Variants in FSIP2 observed in about 807,000 individuals in gnomAD.
FSIP2 encodes the protein fibrous sheath-interacting protein 2.
A neutral mutation model predicts 510.5 loss-of-function variants in FSIP2; 367 were observed. The observed-to-expected ratio is 0.72, with a 90% CI of 0.66 to 0.78. FSIP2 has a LOEUF of 0.78. FSIP2 is among the 30% of genes least tolerant of loss of function. The probability of loss-of-function intolerance (pLI) is 0.00; values close to 1 mark genes in which losing one functional copy is unlikely to be tolerated. For missense variants in FSIP2, 7,594 were observed against 7,901.7 expected (o/e 0.96, Z 1.48); for synonymous variants, 2,601 against 2,732.2 (o/e 0.95, Z 1.50).
intron 19 of FSIP2, among the ~76,000 whole-genome samples, chr2:185,818,103 A>G (rs1363225217): frequency 1.3e-5 from 2 of 151,928 alleles, no homozygotes; most frequent in African/African-American, 2.4e-5. Context: ...ATCACATGTA[A>G]CCCATACAAA....
At position 185,745,545 on chromosome 2, in the gene FSIP2, C is replaced by T. The variant is rs1559009054; in HGVS notation, c.594C>T (p.Asp198=). The T allele has an allele frequency of 6.5e-7, 1 of 1,534,610 alleles. No individual in the cohort carries two copies. Residue 198 remains aspartate (D), a synonymous_variant, in exon 5 of 23, where the codon GAC becomes GAT. Transcript: ENST00000424728. ...AGGAGGGCACTGAATCTATTAAGGA[C>T]CAGGAGCGGCTGATGAGGCATAGGT... is the stretch of plus-strand genomic sequence containing the variant. ...LLKEGTESIK[D]QERLMRHRYL... is the part of the protein sequence containing the mutation.
Position 185,791,745 on chromosome 2 carries a change from A to G in FSIP2, c.4609A>G (p.Ile1537Val). ...GAAAATGGCCAAATCCACCAAAATAATCTCCAGCATAGTTTCCAGAAGGGT... is the reference window on the plus strand; with the variant it reads ...GAAAATGGCCAAATCCACCAAAATAGTCTCCAGCATAGTTTCCAGAAGGGT... Reference protein sequence around the residue: ...IEKMAKSTKIISSIVSRRVQE... With the variant: ...IEKMAKSTKIVSSIVSRRVQE... The change falls in exon 16 of 23, where the codon ATC becomes GTC. Residue 1537 changes from isoleucine (I) to valine (V), a missense_variant. By Grantham distance (29) the Ile-to-Val change is conservative (BLOSUM62 3). Transcript: ENST00000424728. The G allele has an allele frequency of 6.5e-7, 1 of 1,534,632 alleles. No individual in the cohort carries two copies. Among genetic ancestry groups the G allele is most frequent in the Non-Finnish European group, 8.7e-7 (1 of 1,145,710 alleles).
In FSIP2 at chr2:185,803,760, T is replaced by C; in HGVS notation, c.14454T>C (p.Thr4818=). The C allele has an allele frequency of 6.5e-7, 1 of 1,530,992 alleles. No individual in the cohort carries two copies. Among genetic ancestry groups the C allele is most frequent in the Non-Finnish European group, 8.7e-7 (1 of 1,143,686 alleles). The allele number at this position is 1,530,992 out of a possible 1,614,324, so 94.8% of individuals were successfully genotyped here. The change falls in exon 17 of 23, where the codon ACT becomes ACC. Residue 4818 remains threonine (T), a synonymous_variant. Transcript: ENST00000424728. ...CCAGTGCAGAGCAGTCAGATACTAC[T>C]AAATCAGACTTAAGTAATACAGTGA... ...LNTSAEQSDT[T]KSDLSNTVIK... is the part of the protein sequence containing the mutation.
At chr2:185,781,434 T>C (rs7566901) in intron 13 of FSIP2, among the ~76,000 whole-genome samples, 82,796 of 152,060 alleles carry the variant, frequency 0.54, 22,809 homozygotes, top group South Asian at 0.64. Context: ...TATTTTCAGC[T>C]TATGATGGGT....
Position 185,763,297 on chromosome 2 carries a change from ACAGTT to A in FSIP2, c.1347+10_1347+14del. ...GATCCTTCAAAAGAAGAGGTATATA[ACAGTT>A]CTTTTACCCCAAATACAAACACAAT... is the stretch of plus-strand genomic sequence containing the variant. On this transcript the variant is annotated intron_variant, in intron 12 of 22. Coordinates refer to ENST00000424728, the MANE Select transcript of FSIP2 (RefSeq NM_173651.4). The A allele has an allele frequency of 8.5e-7, 1 of 1,181,636 alleles. No individual in the cohort carries two copies. The highest frequency in any genetic ancestry group is 2.5e-5 in the East Asian group (1 of 39,250). The allele number at this position is 1,181,636 out of a possible 1,614,324, so 73.2% of individuals were successfully genotyped here.
chr2:185,808,664 A>C lies in FSIP2; in HGVS notation c.19358A>C (p.Lys6453Thr). The C allele has an allele frequency of 1.2e-6, 2 of 1,606,120 alleles. No homozygotes were observed. Among genetic ancestry groups the C allele is most frequent in the Non-Finnish European group, 1.7e-6 (2 of 1,176,892 alleles). Residue 6453 changes from lysine to threonine, a missense_variant, in exon 17 of 23, where the codon AAA becomes ACA. Lys to Thr is a moderately conservative substitution (Grantham distance 78). Transcript: ENST00000424728. ...GATACAAATACAGCCTTTCCTAAAA[A>C]AGTGGCTAGTTTAATTATTGATGGA... ...IKDTNTAFPK[K>T]VASLIIDGVS... is the part of the protein sequence containing the mutation.
At chr2:185,754,674 T>C (rs1692208350) in intron 8 of FSIP2, among the ~76,000 whole-genome samples, 1 of 151,546 alleles carries the variant, frequency 6.6e-6, no homozygotes. Flanking sequence ...CAAGCATTTA[T>C]CAGCATCTAG....
chr2:185,754,744 C>T (rs1313917719), intron 8 of FSIP2, among the ~76,000 whole-genome samples: 1 of 151,436 alleles, frequency 6.6e-6, no homozygotes, highest in African/African-American at 2.4e-5. Flanking sequence ...AAGATGGCAG[C>T]TATGATCTAG....
At chr2:185,812,068 G>A (rs1229382023) in intron 17 of FSIP2, among the ~76,000 whole-genome samples, 2 of 152,086 alleles carry the variant, frequency 1.3e-5, no homozygotes, top group Non-Finnish European at 2.9e-5. Flanking sequence ...TGCAGTTGTT[G>A]GAAGAAAGTC....
chr2:185,829,687 A>G (rs547712824), intron 21 of FSIP2, among the ~76,000 whole-genome samples: 50 of 151,944 alleles, frequency 3.3e-4, no homozygotes, highest in Non-Finnish European at 6.8e-4. Context: ...TCTCTGACCA[A>G]TAGGGAAAGG....
chr2:185,770,492 G>A (rs1304074463), intron 13 of FSIP2, among the ~76,000 whole-genome samples: 1 of 152,088 alleles, frequency 6.6e-6, no homozygotes, highest in South Asian at 2.1e-4. Flanking sequence ...CAGTGGGTGG[G>A]TGCCACGCTC....
intron 13 of FSIP2, among the ~76,000 whole-genome samples, chr2:185,777,176 C>T (rs931391179): frequency 6.6e-6 from 1 of 152,158 alleles, no homozygotes; most frequent in African/African-American, 2.4e-5. Flanking sequence ...ATGACCATAA[C>T]CTCCTCCCTG....
At position 185,796,387 on chromosome 2, in the gene FSIP2, A is replaced by G. The variant is rs972051047; in HGVS notation, c.9251A>G (p.Asn3084Ser). ...FHSQLLTYAVNIISDMLAVIK... is the reference protein window; with the variant it reads ...FHSQLLTYAVSIISDMLAVIK... ...TCACAATTACTTACATATGCTGTTA[A>G]TATCATCAGTGACATGCTTGCTGTA... The change falls in exon 16 of 23, where the codon AAT (asparagine) becomes AGT (serine). Residue 3084 changes from asparagine (N) to serine (S), a missense_variant. Physicochemically the swap from Asn to Ser is conservative, Grantham distance 46 (BLOSUM62 1). Transcript: ENST00000424728. 34 of 1,533,886 alleles carry G rather than the reference A, an allele frequency of 2.2e-5. No homozygotes were observed. The highest frequency in any genetic ancestry group is 3.0e-5 in the Non-Finnish European group (34 of 1,145,452).
Position 185,801,074 on chromosome 2 carries a change from G to C in FSIP2, c.11768G>C (p.Ser3923Thr). 1 of 1,532,090 alleles carries C rather than the reference G, an allele frequency of 6.5e-7. No individual in the cohort carries two copies. The highest frequency in any genetic ancestry group is 1.2e-5 in the South Asian group (1 of 83,584). 94.9% of individuals were successfully genotyped at this position (1,532,090 alleles called of 1,614,324 possible). A position where few individuals can be genotyped will look rare whatever the true frequency, so the allele number is the denominator to read the frequency against. The change falls in exon 17 of 23, where the codon AGC (serine) becomes ACC (threonine). Residue 3923 changes from serine (S) to threonine (T), a missense_variant. Coordinates refer to ENST00000424728, the MANE Select transcript of FSIP2 (RefSeq NM_173651.4). ...TCCCTGAATAATCCCAGTGTGGTTA[G>C]CTCCAAAATACAAGCACCATTTAAC... ...TVSLNNPSVV[S>T]SKIQAPFNKH...
At position 185,793,072 on chromosome 2, in the gene FSIP2, G is replaced by C; in HGVS notation, c.5936G>C (p.Cys1979Ser). 1 of 1,534,302 alleles carries C rather than the reference G, an allele frequency of 6.5e-7. No homozygotes were observed. The highest frequency in any genetic ancestry group is 2.4e-5 in the East Asian group (1 of 40,848). ...DSYSDEQFSC[C>S]SVDHTKSGKT... Reference sequence around the variant, plus strand: ...TATTCTGATGAGCAATTTTCCTGTTGCTCAGTAGATCATACCAAGTCAGGA... The same window carrying C: ...TATTCTGATGAGCAATTTTCCTGTTCCTCAGTAGATCATACCAAGTCAGGA... The change falls in exon 16 of 23, where the codon TGC (cysteine) becomes TCC (serine). Residue 1979 changes from cysteine to serine, a missense_variant. Cys to Ser is a moderately radical substitution (Grantham distance 112). Coordinates refer to ENST00000424728, the MANE Select transcript of FSIP2 (RefSeq NM_173651.4).
At chr2:185,823,204 A>C (rs543458804) in intron 19 of FSIP2, among the ~76,000 whole-genome samples, 1 of 152,020 alleles carries the variant, frequency 6.6e-6, no homozygotes, top group Non-Finnish European at 1.5e-5. Flanking sequence ...AAAGAAAAAT[A>C]GATATATTGT....
chr2:185,751,262 A>G (rs967573843), intron 7 of FSIP2, among the ~76,000 whole-genome samples: 1 of 151,538 alleles, frequency 6.6e-6, no homozygotes, highest in East Asian at 1.9e-4. Context: ...TAGGTAAAAA[A>G]TGGCTAGAAT....
rs756935282 is a variant in FSIP2 at position 185,807,233 on chromosome 2, T to G, written c.17927T>G (p.Leu5976Trp). The G allele has an allele frequency of 1.2e-6, 2 of 1,606,676 alleles. No homozygotes were observed. Among genetic ancestry groups the G allele is most frequent in the Non-Finnish European group, 1.7e-6 (2 of 1,177,782 alleles). ...GATGAGGTTTCAGTTTCAGCATGTTTGCCTCTGGAATCTAAGGATGTTGTT... is the reference window on the plus strand; with the variant it reads ...GATGAGGTTTCAGTTTCAGCATGTTGGCCTCTGGAATCTAAGGATGTTGTT... ...FCDEVSVSAC[L>W]PLESKDVVKK... The change falls in exon 17 of 23, where the codon TTG (leucine) becomes TGG (tryptophan). Residue 5976 changes from leucine (L) to tryptophan (W), a missense_variant. Transcript: ENST00000424728.
chr2:185,807,031 G>A lies in FSIP2; in HGVS notation c.17725G>A (p.Asp5909Asn), dbSNP rs762162111. The change falls in exon 17 of 23, where the codon GAC (aspartate) becomes AAC (asparagine). Residue 5909 changes from aspartate to asparagine, a missense_variant. Coordinates refer to ENST00000424728, the MANE Select transcript of FSIP2 (RefSeq NM_173651.4). ...TTCTTCAGATAAGATACCATCAATTGACAAAACATTGGTCAATAAAGTTGT... is the reference window on the plus strand; with the variant it reads ...TTCTTCAGATAAGATACCATCAATTAACAAAACATTGGTCAATAAAGTTGT... ...KPSSDKIPSIDKTLVNKVVHS... is the reference protein window; with the variant it reads ...KPSSDKIPSINKTLVNKVVHS... 16 of 1,595,592 alleles carry A rather than the reference G, an allele frequency of 1.0e-5. No individual in the cohort carries two copies. Among genetic ancestry groups the A allele is most frequent in the Non-Finnish European group, 1.3e-5 (15 of 1,174,044 alleles).
Sources: gnomAD v4.1 joint callset for allele counts (sites outside exome capture counted in the v4.1 genomes callset) on GRCh38, gnomAD v4.1.1 for gene constraint, MANE v1.5 for transcripts, NCBI Gene and HGNC (gene_info 2026-07-23, HGNC 2026-07-21) for gene names.